The following PPIP5K2 variants were observed in gnomAD, a reference collection of about 807,000 sequenced individuals.
PPIP5K2 encodes the protein inositol hexakisphosphate and diphosphoinositol-pentakisphosphate kinase 2.
In PPIP5K2, 105 loss-of-function variants were observed where a neutral mutation model predicts 154.6. The observed-to-expected ratio is 0.68, with a 90% CI of 0.58 to 0.80. The LOEUF (loss-of-function observed/expected upper bound fraction) is 0.80, where lower values mean the gene tolerates loss of function less well. Among genes scored for constraint, PPIP5K2 ranks in the 30% least tolerant of loss-of-function variants. The probability of loss-of-function intolerance (pLI) is 0.00; values close to 1 mark genes in which losing one functional copy is unlikely to be tolerated. For missense variants in PPIP5K2, 992 were observed against 1,504.6 expected (o/e 0.66, Z 5.64); for synonymous variants, 480 against 490.3 (o/e 0.98, Z 0.28).
chr5:103,182,111 C>T (rs536919733), intron 24 of PPIP5K2, among the ~76,000 whole-genome samples: 2 of 152,068 alleles, frequency 1.3e-5, no homozygotes, highest in South Asian at 4.1e-4. Flanking sequence ...ATATAACCTA[C>T]ACTACTATTT....
At chr5:103,197,095 A>G (rs1270134730) in intron 30 of PPIP5K2, among the ~76,000 whole-genome samples, 2 of 152,146 alleles carry the variant, frequency 1.3e-5, no homozygotes, top group African/African-American at 2.4e-5. Flanking sequence ...AGAAATTTGC[A>G]TCTGCGTTTG....
At chr5:103,138,002 T>A (rs116246272) in intron 4 of PPIP5K2, among the ~76,000 whole-genome samples, 1 of 152,176 alleles carries the variant, frequency 6.6e-6, no homozygotes, top group Non-Finnish European at 1.5e-5. Flanking sequence ...TTCTCTAGTA[T>A]GCTGTGAACA....
intron 28 of PPIP5K2, among the ~76,000 whole-genome samples, chr5:103,190,449 G>C (rs1191273792): frequency 7.2e-5 from 11 of 151,936 alleles, no homozygotes; most frequent in Non-Finnish European, 1.6e-4. Flanking sequence ...CTTACTGTTA[G>C]CGTCCTGGCA....
chr5:103,179,465 CTG>C (rs1799184598), intron 23 of PPIP5K2, among the ~76,000 whole-genome samples: 1 of 152,052 alleles, frequency 6.6e-6, no homozygotes, highest in East Asian at 1.9e-4. Flanking sequence ...CAATCTGGGA[CTG>C]TGTCTTATTC....
At chr5:103,178,617 A>G (rs945876629) in intron 23 of PPIP5K2, among the ~76,000 whole-genome samples, 34 of 151,614 alleles carry the variant, frequency 2.2e-4, no homozygotes, top group African/African-American at 7.5e-4. Flanking sequence ...ATAATATTCT[A>G]AAGACTCTTT....
chr5:103,194,489 A>G (rs1264690987), intron 29 of PPIP5K2, among the ~76,000 whole-genome samples: 1 of 152,180 alleles, frequency 6.6e-6, no homozygotes, highest in Non-Finnish European at 1.5e-5. Flanking sequence ...GTCCCTGGGC[A>G]GGCACGGTGG....
intron 16 of PPIP5K2, 133 bp downstream of exon 16, chr5:103,158,706 G>A: frequency 1.5e-6 from 1 of 664,282 alleles, no homozygotes; most frequent in Non-Finnish European, 2.4e-6. Context: ...CAGATCACTA[G>A]AGCCCAGGAG....
rs782295444 is a variant in PPIP5K2 at position 103,168,144 on chromosome 5, A to G, written c.2135A>G (p.Lys712Arg). ...RRWSKLEKDF[K>R]TKNGRYDISK... ...TGGTCCAAGTTAGAGAAAGACTTTA[A>G]AACAAAGAATGGAAGATATGATATT... Residue 712 changes from lysine to arginine, a missense_variant, in exon 19 of 31, where the codon AAA becomes AGA. Physicochemically the swap from Lys to Arg is conservative, Grantham distance 26. Transcript: ENST00000358359. The G allele has an allele frequency of 6.2e-7, 1 of 1,610,480 alleles. No individual in the cohort carries two copies. Among genetic ancestry groups the G allele is most frequent in the Non-Finnish European group, 8.5e-7 (1 of 1,177,462 alleles).
chr5:103,157,580 C>G (rs191490545), intron 14 of PPIP5K2, among the ~76,000 whole-genome samples: 1 of 152,138 alleles, frequency 6.6e-6, no homozygotes, highest in East Asian at 1.9e-4. Context: ...GATTTCGAGA[C>G]CAGCCTGGCC....
Position 103,180,166 on chromosome 5 carries a change from C to T in PPIP5K2, c.2900C>T (p.Ser967Phe). The T allele has an allele frequency of 6.3e-7, 1 of 1,593,146 alleles. No homozygotes were observed. The highest frequency in any genetic ancestry group is 1.2e-5 in the South Asian group (1 of 86,794). ...CACAGGAAGTCTCCACTTCCAAGAT[C>T]TAGGAAGACGGCTACAAATGATGTA... ...HIHRKSPLPR[S>F]RKTATNDEES... is the part of the protein sequence containing the mutation. Residue 967 changes from serine (S) to phenylalanine (F), a missense_variant, in exon 24 of 31, where the codon TCT becomes TTT. Physicochemically the swap from Ser to Phe is radical, Grantham distance 155. Around this residue, in one of 9 missense-constraint regions of PPIP5K2, gnomAD observed 204 missense variants for 224.0 expected, o/e 0.91. Coordinates refer to ENST00000358359, the MANE Select transcript of PPIP5K2 (RefSeq NM_001276277.3).
chr5:103,136,657 C>A, intron 3 of PPIP5K2, 75 bp from the exon 4 acceptor site: 2 of 1,097,708 alleles, frequency 1.8e-6, no homozygotes, highest in Non-Finnish European at 2.8e-6. Flanking sequence ...TGGGAGGTGG[C>A]ATCAATTCAA....
In PPIP5K2 at chr5:103,154,827, T is replaced by G; in HGVS notation, c.1294-7T>G. 6.4e-7 allele frequency: 1 copy of G among 1,562,814 alleles called. No homozygotes were observed. Among genetic ancestry groups the G allele is most frequent in the Non-Finnish European group, 8.6e-7 (1 of 1,159,180 alleles). On this transcript the variant is annotated splice_region_variant and splice_polypyrimidine_tract_variant and intron_variant, in intron 12 of 30. Coordinates refer to ENST00000358359, the MANE Select transcript of PPIP5K2 (RefSeq NM_001276277.3). ...AAAATTCAATTTTTTATTAATTTAT[T>G]TTATAGGAAGTGCTAGATATTGCAC... is the stretch of plus-strand genomic sequence containing the variant.
intron 3 of PPIP5K2, 72 bp downstream of exon 3, chr5:103,133,720 C>T (rs1791022081): frequency 1.6e-6 from 2 of 1,243,034 alleles, no homozygotes; most frequent in African/African-American, 1.6e-5. Context: ...TAATTGTAGA[C>T]TATGAGATAA....
intron 24 of PPIP5K2, among the ~76,000 whole-genome samples, chr5:103,182,658 A>C (rs1799724439): frequency 6.6e-6 from 1 of 152,160 alleles, no homozygotes; most frequent in African/African-American, 2.4e-5. Context: ...GAGGGGGCAA[A>C]TAGATAGCTT....
chr5:103,212,089 CAG>C lies in PPIP5K2; in HGVS notation c.*10456_*10457del, dbSNP rs1287001100. 1 of 151,878 alleles carries C rather than the reference CAG, an allele frequency of 6.6e-6. No homozygotes were observed. Among genetic ancestry groups the C allele is most frequent in the Non-Finnish European group, 1.5e-5 (1 of 67,944 alleles). The allele number at this position is 151,878 out of a possible 1,614,324, so 9.4% of individuals were successfully genotyped here. On this transcript the variant is annotated 3_prime_UTR_variant, in exon 31 of 31. Coordinates refer to ENST00000358359, the MANE Select transcript of PPIP5K2 (RefSeq NM_001276277.3). ...AATTATAGCTAGGGGAAGAGATAAACAGGGGGTTAGGTTGTAGATTATATGCA... is the reference window on the plus strand; with the variant it reads ...AATTATAGCTAGGGGAAGAGATAAACGGGGTTAGGTTGTAGATTATATGCA...
chr5:103,169,507 A>C (rs2149683279), intron 19 of PPIP5K2, among the ~76,000 whole-genome samples: 1 of 151,932 alleles, frequency 6.6e-6, no homozygotes, highest in African/African-American at 2.4e-5. Flanking sequence ...GAGAATTCAT[A>C]CAATTGTACA....
intron 10 of PPIP5K2, among the ~76,000 whole-genome samples, chr5:103,153,411 G>A (rs576781108): frequency 6.6e-6 from 1 of 151,832 alleles, no homozygotes; most frequent in South Asian, 2.1e-4. Context: ...AATTTGAGTT[G>A]TAAATACTTG....
At chr5:103,137,645 T>C (rs1554204865) in intron 4 of PPIP5K2, among the ~76,000 whole-genome samples, 1 of 152,184 alleles carries the variant, frequency 6.6e-6, no homozygotes, top group Non-Finnish European at 1.5e-5. Context: ...CTCACCAGCA[T>C]TCTATTTTCT....
intron 7 of PPIP5K2, 115 bp from the exon 8 acceptor site, chr5:103,149,037 C>A (rs1465562746): frequency 3.6e-6 from 3 of 842,532 alleles, no homozygotes; most frequent in Non-Finnish European, 5.1e-6. Context: ...TGTCTACTAG[C>A]CTGGATTCTG....
Sources: gnomAD v4.1 joint callset for allele counts (sites outside exome capture counted in the v4.1 genomes callset) on GRCh38, gnomAD v4.1.1 for gene constraint, gnomAD v4.1.1 regional missense constraint, MANE v1.5 for transcripts, NCBI Gene and HGNC (gene_info 2026-07-23, HGNC 2026-07-21) for gene names.